The following SMIM21 variants were observed in gnomAD, a reference collection of about 807,000 sequenced individuals.
The protein encoded by SMIM21 is small integral membrane protein 21.
In SMIM21, 8 loss-of-function variants were observed where a neutral mutation model predicts 8.6. The ratio of observed to expected loss-of-function variants is 0.93; its 90% CI spans 0.55 to 1.68. The LOEUF (loss-of-function observed/expected upper bound fraction) is 1.68. Ranked by LOEUF, SMIM21 falls within the 40% of genes most tolerant of loss-of-function variation. The pLI is 0.00. For synonymous variants in SMIM21, 43 were observed against 41.7 expected (o/e 1.03, Z -0.12); for missense variants, 132 against 123.0 (o/e 1.07, Z -0.35).
chr18:75,415,644 T>C (rs2024636045), intron 2 of SMIM21, among the ~76,000 whole-genome samples: 1 of 152,250 alleles, frequency 6.6e-6, no homozygotes, highest in African/African-American at 2.4e-5. Flanking sequence ...TTTTCTTCCA[T>C]GGACACACAC....
chr18:75,427,691 A>C lies in SMIM21; in HGVS notation c.-128T>G. On this transcript the variant is annotated 5_prime_UTR_variant, in exon 1 of 3. Transcript: ENST00000579022. ...CTTTTCTCTTCTTTGCCAACCTTGA[A>C]GATCTGGGTATTATTTTATGAAGCT... 7 of 914,432 alleles carry C rather than the reference A, an allele frequency of 7.7e-6. No homozygotes were observed. Among genetic ancestry groups the C allele is most frequent in the Non-Finnish European group, 1.1e-5 (7 of 649,506 alleles). 56.6% of individuals were successfully genotyped at this position (914,432 alleles called of 1,614,324 possible).
chr18:75,415,626 G>A (rs1322471028), intron 2 of SMIM21, among the ~76,000 whole-genome samples: 1 of 152,218 alleles, frequency 6.6e-6, no homozygotes, highest in Non-Finnish European at 1.5e-5. Context: ...TAACAACTCT[G>A]AGGGTCCTTT....
At chr18:75,412,979 A>G (rs1237248526) in intron 2 of SMIM21, among the ~76,000 whole-genome samples, 1 of 152,070 alleles carries the variant, frequency 6.6e-6, no homozygotes, top group Non-Finnish European at 1.5e-5. Context: ...GTCTATATAT[A>G]GCCTCTTGTC....
intron 1 of SMIM21, among the ~76,000 whole-genome samples, chr18:75,419,301 A>T (rs1599107106): frequency 6.6e-6 from 1 of 152,340 alleles, no homozygotes; most frequent in South Asian, 2.1e-4. Context: ...TATCAAACAG[A>T]TCTGTGACCA....
At chr18:75,412,198 A>G (rs2144543432) in intron 2 of SMIM21, among the ~76,000 whole-genome samples, 1 of 152,378 alleles carries the variant, frequency 6.6e-6, no homozygotes, top group South Asian at 2.1e-4. Flanking sequence ...GAGGGCAAGT[A>G]CATGTGAAAA....
chr18:75,419,947 C>T (rs2024691752), intron 1 of SMIM21, among the ~76,000 whole-genome samples: 1 of 152,180 alleles, frequency 6.6e-6, no homozygotes, highest in Non-Finnish European at 1.5e-5. Flanking sequence ...GTATTACCTG[C>T]TGTTAACTAG....
chr18:75,411,262 A>G lies in SMIM21; in HGVS notation c.261-353T>C, dbSNP rs78204945. 3.2e-3 allele frequency among the ~76,000 whole-genome samples: 491 copies of G among 152,344 alleles called. 2 individuals are homozygous for G. Among genetic ancestry groups the G allele is most frequent in the African/African-American group, 0.011 (459 of 41,574 alleles). ...GAAGTCGAGTATATGCGAACTCTGA[A>G]ATAAACTCTCTTTCTGAACCTTTTC... On this transcript the variant is annotated intron_variant, in intron 2 of 2. Transcript: ENST00000579022.
intron 2 of SMIM21, among the ~76,000 whole-genome samples, chr18:75,411,736 G>A (rs2024587057): frequency 6.6e-6 from 1 of 152,166 alleles, no homozygotes; most frequent in East Asian, 1.9e-4. Context: ...AAGCCTCATC[G>A]ATCCTTCTTT....
chr18:75,416,926 C>A (rs1599105357), intron 2 of SMIM21: 1 of 152,090 alleles, frequency 6.6e-6, no homozygotes, highest in Non-Finnish European at 1.5e-5. Flanking sequence ...GAGGTAGAAA[C>A]GACATGTTGG....
chr18:75,410,523 G>T lies in SMIM21; in HGVS notation c.*341C>A. On this transcript the variant is annotated 3_prime_UTR_variant, in exon 3 of 3. Coordinates refer to ENST00000579022, the MANE Select transcript of SMIM21 (RefSeq NM_001037331.3). ...CACTTGCAAGGAAAAAGTTACAGCAGCAATTGAAAATATGACTACAGGCTT... is the reference window on the plus strand; with the variant it reads ...CACTTGCAAGGAAAAAGTTACAGCATCAATTGAAAATATGACTACAGGCTT... 3.2e-6 allele frequency: 1 copy of T among 313,064 alleles called. No individual in the cohort carries two copies. The highest frequency in any genetic ancestry group is 5.8e-6 in the Non-Finnish European group (1 of 173,444). 19.4% of individuals were successfully genotyped at this position (313,064 alleles called of 1,614,324 possible).
intron 1 of SMIM21, among the ~76,000 whole-genome samples, chr18:75,421,732 G>T (rs1028755626): frequency 2.0e-5 from 3 of 152,158 alleles, no homozygotes; most frequent in Non-Finnish European, 2.9e-5. Flanking sequence ...TCAGCTCCAT[G>T]TCCAGAAGAA....
At chr18:75,426,631 T>TAAAAAAAAA (rs777676195) in intron 1 of SMIM21, among the ~76,000 whole-genome samples, 23 of 89,246 alleles carry the variant, frequency 2.6e-4, no homozygotes, top group Admixed American at 4.3e-4. Flanking sequence ...TTTTAAAATG[T>TAAAAAAAAA]AAAAAAAAAA....
chr18:75,427,408 C>T, intron 1 of SMIM21, 27 bp downstream of exon 1: 1 of 1,608,486 alleles, frequency 6.2e-7, no homozygotes, highest in South Asian at 1.1e-5. Flanking sequence ...TCTCTCATAA[C>T]CCAAAGTTAA....
chr18:75,427,617 A>G lies in SMIM21; in HGVS notation c.-54T>C. ...GGTCTCCTTGATGACAGCGACTCTG[A>G]GGACACAGAGCTGGTGCTATAAGAC... On this transcript the variant is annotated 5_prime_UTR_variant, in exon 1 of 3. Coordinates refer to ENST00000579022, the MANE Select transcript of SMIM21 (RefSeq NM_001037331.3). 2 of 1,524,314 alleles carry G rather than the reference A, an allele frequency of 1.3e-6. No individual in the cohort carries two copies. The highest frequency in any genetic ancestry group is 4.6e-5 in the East Asian group (2 of 43,860). The allele number at this position is 1,524,314 out of a possible 1,614,324, so 94.4% of individuals were successfully genotyped here.
chr18:75,411,665 G>C (rs1420274889), intron 2 of SMIM21, among the ~76,000 whole-genome samples: 1 of 152,186 alleles, frequency 6.6e-6, no homozygotes, highest in African/African-American at 2.4e-5. Flanking sequence ...TGCCACTTTA[G>C]CCCATGTTTG....
rs567281380 is a variant in SMIM21 at position 75,410,717 on chromosome 18, C to A, written c.*147G>T. The A allele has an allele frequency of 4.1e-6, 6 of 1,453,332 alleles. 1 individual carries two copies. The South Asian group carries it at 4.6e-5, about 11-fold the overall frequency. The allele number at this position is 1,453,332 out of a possible 1,614,324, so 90.0% of individuals were successfully genotyped here. ...GACATTATCATTGCAAAAAGTTACACGTTCTTCATTCTCTCTGTGGAGCTC... is the reference window on the plus strand; with the variant it reads ...GACATTATCATTGCAAAAAGTTACAAGTTCTTCATTCTCTCTGTGGAGCTC... On this transcript the variant is annotated 3_prime_UTR_variant, in exon 3 of 3. Transcript: ENST00000579022.
At chr18:75,415,851 A>C (rs2024638473) in intron 2 of SMIM21, among the ~76,000 whole-genome samples, 1 of 152,212 alleles carries the variant, frequency 6.6e-6, no homozygotes, top group South Asian at 2.1e-4. Flanking sequence ...CAATTTATTT[A>C]ACCATTCCCC....
rs2024726677 is a variant in SMIM21, at chr18:75,423,120, C to T, written c.130-4204G>A. 2.0e-5 allele frequency among the ~76,000 whole-genome samples: 3 copies of T among 152,292 alleles called. No individual in the cohort carries two copies. The South Asian group carries it at 6.2e-4, about 32-fold the overall frequency. On this transcript the variant is annotated intron_variant, in intron 1 of 2. Transcript: ENST00000579022. ...AAATTCTGTATTAAAAATAATTCTA[C>T]ACTTTTCTTGCAAATCCCCTGCCCC... is the stretch of plus-strand genomic sequence containing the variant.
intron 2 of SMIM21, chr18:75,416,954 G>A (rs2024652851): frequency 1.3e-5 from 2 of 152,208 alleles, no homozygotes; most frequent in South Asian, 4.1e-4. Context: ...GTTCCACAGA[G>A]GACAGAGCAC....
Sources: allele counts gnomAD v4.1 joint callset (sites outside exome capture counted in the v4.1 genomes callset), GRCh38; gene constraint gnomAD v4.1.1; transcripts MANE v1.5; gene names NCBI Gene and HGNC (gene_info 2026-07-23, HGNC 2026-07-21).